The following KIAA1958 variants were observed in gnomAD, a reference collection of about 807,000 sequenced individuals.
The protein encoded by KIAA1958 is uncharacterized protein KIAA1958.
A neutral mutation model predicts 47.2 loss-of-function variants in KIAA1958; 14 were observed. The ratio of observed to expected loss-of-function variants is 0.30; its 90% CI spans 0.20 to 0.46. KIAA1958 has a LOEUF of 0.46. KIAA1958 is among the 20% of genes least tolerant of loss of function. KIAA1958 has a pLI of 1.00. For synonymous variants in KIAA1958, 354 were observed against 353.3 expected, an observed-to-expected ratio of 1.00 and a Z score of -0.02; for missense variants, 803 against 909.2, an observed-to-expected ratio of 0.88 and a Z score of 1.50.
chr9:112,487,848 C>T (rs560644068), intron 1 of KIAA1958, among the ~76,000 whole-genome samples: 1 of 72,920 alleles, frequency 1.4e-5, no homozygotes, highest in South Asian at 5.9e-4. Context: ...GTTTTTGGTT[C>T]CTTCAAGTCT....
intron 2 of KIAA1958, among the ~76,000 whole-genome samples, chr9:112,608,091 C>T (rs1476438919): frequency 6.6e-6 from 1 of 152,152 alleles, no homozygotes; most frequent in Non-Finnish European, 1.5e-5. Context: ...TGATTCCCTC[C>T]ATTTAATTAC....
rs753452937 is a variant in KIAA1958 at position 112,659,861 on chromosome 9, C to T, written c.1943C>T (p.Ala648Val). 3 of 1,614,018 alleles carry T rather than the reference C, an allele frequency of 1.9e-6. No individual in the cohort carries two copies. Among genetic ancestry groups the T allele is most frequent in the African/African-American group, 2.7e-5 (2 of 74,922 alleles). Residue 648 changes from alanine (A) to valine (V), a missense_variant, in exon 4 of 4, where the codon GCC becomes GTC. Physicochemically the swap from Ala to Val is moderately conservative, Grantham distance 64 (BLOSUM62 0). Around this residue, in one of 2 missense-constraint regions of KIAA1958, gnomAD observed 761 missense variants for 829.3 expected, o/e 0.92. Transcript: ENST00000337530. ...YIHRPPTQME[A>V]KSPFYLTARK... ...CACCGGCCGCCCACCCAAATGGAGG[C>T]CAAGTCCCCCTTCTACCTGACTGCC... is the stretch of plus-strand genomic sequence containing the variant.
At chr9:112,525,551 T>C (rs932442779) in intron 1 of KIAA1958, among the ~76,000 whole-genome samples, 1 of 152,234 alleles carries the variant, frequency 6.6e-6, no homozygotes, top group African/African-American at 2.4e-5. Context: ...TGAATAATTT[T>C]GCTATTCCTA....
chr9:112,625,172 G>A (rs955737918), intron 2 of KIAA1958, among the ~76,000 whole-genome samples: 4 of 152,042 alleles, frequency 2.6e-5, no homozygotes, highest in African/African-American at 4.8e-5. Flanking sequence ...ACAGGGTCTC[G>A]CTCTGTTGTC....
intron 1 of KIAA1958, among the ~76,000 whole-genome samples, chr9:112,558,424 A>C (rs563221254): frequency 6.6e-6 from 1 of 152,304 alleles, no homozygotes; most frequent in East Asian, 1.9e-4. Flanking sequence ...GTGCTTTTGC[A>C]AAGGGACCAT....
At chr9:112,613,205 T>G (rs1271101655) in intron 2 of KIAA1958, among the ~76,000 whole-genome samples, 1 of 152,208 alleles carries the variant, frequency 6.6e-6, no homozygotes, top group Non-Finnish European at 1.5e-5. Flanking sequence ...CTGTCCTATA[T>G]GCTTGTATTG....
chr9:112,500,832 G>GGTTCGGTGGTTCATACCT (rs1834122977), intron 1 of KIAA1958, among the ~76,000 whole-genome samples: 1 of 152,012 alleles, frequency 6.6e-6, no homozygotes, highest in Admixed American at 6.5e-5. Flanking sequence ...AACTTGGTTG[G>GGTTCGGTGGTTCATACCT]GTTCGGTGGT....
At position 112,659,893 on chromosome 9, in the gene KIAA1958, G is replaced by C; in HGVS notation, c.1975G>C (p.Glu659Gln). 1 of 1,614,210 alleles carries C rather than the reference G, an allele frequency of 6.2e-7. No individual in the cohort carries two copies. Among genetic ancestry groups the C allele is most frequent in the Non-Finnish European group, 8.5e-7 (1 of 1,180,022 alleles). ...KSPFYLTARK[E>Q]ATDMGSVWYE... is the part of the protein sequence containing the mutation. ...CCCCTTCTACCTGACTGCCAGGAAG[G>C]AGGCCACAGACATGGGCAGCGTGTG... Residue 659 changes from glutamate (E) to glutamine (Q), a missense_variant, in exon 4 of 4, where the codon GAG becomes CAG. By Grantham distance (29) the Glu-to-Gln change is conservative. Around this residue, in one of 2 missense-constraint regions of KIAA1958, gnomAD observed 761 missense variants for 829.3 expected, o/e 0.92. Transcript: ENST00000337530.
chr9:112,550,637 T>A (rs1438818831), intron 1 of KIAA1958, among the ~76,000 whole-genome samples: 1 of 151,948 alleles, frequency 6.6e-6, no homozygotes, highest in African/African-American at 2.4e-5. Context: ...GAACCAGGAG[T>A]CAGATTCCAG....
At chr9:112,580,459 A>T (rs953715497) in intron 2 of KIAA1958, among the ~76,000 whole-genome samples, 1 of 152,046 alleles carries the variant, frequency 6.6e-6, no homozygotes, top group African/African-American at 2.4e-5. Flanking sequence ...ATATTTCTTT[A>T]TTCCATGAGA....
intron 2 of KIAA1958, among the ~76,000 whole-genome samples, chr9:112,585,772 C>A (rs1369847974): frequency 6.6e-6 from 1 of 152,198 alleles, no homozygotes; most frequent in Admixed American, 6.5e-5. Flanking sequence ...TTGTCACACA[C>A]ATATTCCCTG....
Position 112,504,189 on chromosome 9 carries a change from T to TG in KIAA1958, c.-25+17071_-25+17072insG, listed in dbSNP as rs1254093212. On this transcript the variant is annotated intron_variant, in intron 1 of 3. Coordinates refer to ENST00000337530, the MANE Select transcript of KIAA1958 (RefSeq NM_133465.4). ...ACCAGAAGGAACTGTAGAGATTATCTTTTTTTTTTTTTTTGGAGACAGAGT... is the reference window on the plus strand; with the variant it reads ...ACCAGAAGGAACTGTAGAGATTATCTGTTTTTTTTTTTTTTGGAGACAGAGT... 2.2e-4 allele frequency among the ~76,000 whole-genome samples: 23 copies of TG among 106,580 alleles called. No homozygotes were observed. In the South Asian group the frequency reaches 8.0e-3, roughly 37 times the overall value. The allele number at this position is 106,580 out of a possible 152,430, so 69.9% of individuals were successfully genotyped here. A position where few individuals can be genotyped will look rare whatever the true frequency, so the allele number is the denominator to read the frequency against.
chr9:112,594,543 G>C lies in KIAA1958; in HGVS notation c.1171+19292G>C, dbSNP rs927167050. ...TGTTTCAAGATATACCTGTGTTATA[G>C]TATCTATCAGTACTTCATTTCTTCT... is the stretch of plus-strand genomic sequence containing the variant. On this transcript the variant is annotated intron_variant, in intron 2 of 3. Transcript: ENST00000337530. 3.7e-4 allele frequency among the ~76,000 whole-genome samples: 57 copies of C among 152,180 alleles called. 1 individual carries two copies. The highest frequency in any genetic ancestry group is 1.4e-3 in the African/African-American group (57 of 41,440).
chr9:112,527,278 G>A (rs1451143070), intron 1 of KIAA1958, among the ~76,000 whole-genome samples: 3 of 152,204 alleles, frequency 2.0e-5, no homozygotes, highest in African/African-American at 7.2e-5. Flanking sequence ...AGTGGTAGGA[G>A]AGAGACCTTT....
At chr9:112,514,593 C>T (rs1449598884) in intron 1 of KIAA1958, among the ~76,000 whole-genome samples, 1 of 17,018 alleles carries the variant, frequency 5.9e-5, no homozygotes, top group Non-Finnish European at 1.1e-4. Context: ...GGTCAGCCCC[C>T]CCACCCGGCC....
intron 3 of KIAA1958, among the ~76,000 whole-genome samples, chr9:112,655,302 A>G (rs1837130212): frequency 6.6e-6 from 1 of 152,166 alleles, no homozygotes; most frequent in Admixed American, 6.5e-5. Context: ...TCAGGAATCA[A>G]ACACTTCCCA....
chr9:112,633,692 A>G (rs1836749986), intron 2 of KIAA1958, among the ~76,000 whole-genome samples: 1 of 152,040 alleles, frequency 6.6e-6, no homozygotes, highest in African/African-American at 2.4e-5. Flanking sequence ...TCTGGTTTTT[A>G]ATTACATAAA....
At chr9:112,631,530 C>G (rs115329744) in intron 2 of KIAA1958, among the ~76,000 whole-genome samples, 1,495 of 57,456 alleles carry the variant, frequency 0.026, 27 homozygotes, top group African/African-American at 0.089. Context: ...GAGCCTCTCT[C>G]AAAGAAAAAA....
intron 1 of KIAA1958, among the ~76,000 whole-genome samples, chr9:112,513,480 C>CGGTGGCTGAGGGAGCCCGTCCGGCCAT (rs1554720343): frequency 1.7e-5 from 1 of 58,016 alleles, no homozygotes. Context: ...GGGCTGGGGT[C>CGGTGGCTGAGGGAGCCCGTCCGGCCAT]GGTGGCCGCG....
Sources: gnomAD v4.1 joint callset for allele counts (sites outside exome capture counted in the v4.1 genomes callset) on GRCh38, gnomAD v4.1.1 for gene constraint, gnomAD v4.1.1 regional missense constraint, MANE v1.5 for transcripts, NCBI Gene and HGNC (gene_info 2026-07-23, HGNC 2026-07-21) for gene names.